GLG1: variants seen among roughly 807,000 people sequenced by gnomAD.
GLG1 encodes the protein golgi glycoprotein 1.
A neutral mutation model predicts 160.5 loss-of-function variants in GLG1; 38 were observed. The ratio of observed to expected loss-of-function variants is 0.24; its 90% CI spans 0.18 to 0.31. The LOEUF (loss-of-function observed/expected upper bound fraction) is 0.31. Among genes scored for constraint, GLG1 ranks in the 10% least tolerant of loss-of-function variants. The probability of loss-of-function intolerance (pLI) is 1.00; values close to 1 mark genes in which losing one functional copy is unlikely to be tolerated. For missense variants in GLG1, 1,373 were observed against 1,505.2 expected, an observed-to-expected ratio of 0.91 and a Z score of 1.45; for synonymous variants, 644 against 543.4, an observed-to-expected ratio of 1.19 and a Z score of -2.57.
intron 23 of GLG1, among the ~76,000 whole-genome samples, chr16:74,458,749 T>C (rs555955594): frequency 3.2e-4 from 49 of 152,342 alleles, no homozygotes; most frequent in Middle Eastern, 3.4e-3. Flanking sequence ...TTTACCTCTG[T>C]TGTCCTCAGA....
intron 1 of GLG1, among the ~76,000 whole-genome samples, chr16:74,592,677 G>A (rs902237603): frequency 1.3e-5 from 2 of 152,146 alleles, no homozygotes; most frequent in African/African-American, 4.8e-5. Context: ...AAGTGAGCTA[G>A]GGTTTGAATC....
At chr16:74,481,259 ATT>A (rs1169585845) in intron 10 of GLG1, among the ~76,000 whole-genome samples, 2 of 152,172 alleles carry the variant, frequency 1.3e-5, no homozygotes, top group Admixed American at 1.3e-4. Context: ...GTGCTTATCA[ATT>A]TATGAGACTT....
At chr16:74,561,376 T>G (rs768918056) in intron 1 of GLG1, among the ~76,000 whole-genome samples, 2 of 152,208 alleles carry the variant, frequency 1.3e-5, no homozygotes, top group Non-Finnish European at 2.9e-5. Context: ...TACAACCAAG[T>G]AAAATCCTAG....
intron 4 of GLG1, among the ~76,000 whole-genome samples, chr16:74,501,282 T>A (rs2143444425): frequency 6.6e-6 from 1 of 152,354 alleles, no homozygotes; most frequent in East Asian, 1.9e-4. Flanking sequence ...AGTTCATGTG[T>A]GAGTCTATCT....
intron 2 of GLG1, among the ~76,000 whole-genome samples, chr16:74,526,049 G>A (rs957729762): frequency 4.6e-5 from 7 of 152,068 alleles, no homozygotes; most frequent in African/African-American, 1.7e-4. Context: ...ATAAATAGAA[G>A]TTATTCAGGC....
chr16:74,605,294 G>C (rs1958540257), intron 1 of GLG1, among the ~76,000 whole-genome samples: 1 of 150,792 alleles, frequency 6.6e-6, no homozygotes, highest in Non-Finnish European at 1.5e-5. Flanking sequence ...GAATACACAT[G>C]AAGGATATAT....
At chr16:74,459,437 C>T (rs933226394) in intron 23 of GLG1, among the ~76,000 whole-genome samples, 7 of 152,104 alleles carry the variant, frequency 4.6e-5, no homozygotes, top group African/African-American at 1.2e-4. Flanking sequence ...CACGCCACTG[C>T]GCTCCAGCCT....
At chr16:74,524,879 C>CGA (rs1264012649) in intron 2 of GLG1, among the ~76,000 whole-genome samples, 1 of 152,190 alleles carries the variant, frequency 6.6e-6, no homozygotes, top group Non-Finnish European at 1.5e-5. Flanking sequence ...CCCCACTTCT[C>CGA]TGAGTTCCTG....
At chr16:74,580,759 T>A (rs1957921005) in intron 1 of GLG1, among the ~76,000 whole-genome samples, 1 of 152,166 alleles carries the variant, frequency 6.6e-6, no homozygotes, top group Admixed American at 6.6e-5. Flanking sequence ...AGGTCATCTA[T>A]CTGATGAGAG....
intron 11 of GLG1, among the ~76,000 whole-genome samples, chr16:74,478,474 G>A (rs2015472707): frequency 6.6e-6 from 1 of 152,160 alleles, no homozygotes. Context: ...AAAAAAGCCA[G>A]CATACCTGGG....
At position 74,458,234 on chromosome 16, in the gene GLG1, C is replaced by A. The variant is rs576573293; in HGVS notation, c.3145-240G>T. On this transcript the variant is annotated intron_variant, in intron 23 of 25. Transcript: ENST00000422840. Reference sequence around the variant, plus strand: ...GAAAAAAGCAGGGGACTGTAAGTGACTGTAAGATCAGATTTGTGTTTTTGG... The same window carrying A: ...GAAAAAAGCAGGGGACTGTAAGTGAATGTAAGATCAGATTTGTGTTTTTGG... 7.5e-6 allele frequency: 3 copies of A among 401,014 alleles called. No individual in the cohort carries two copies. In the East Asian group the frequency reaches 1.1e-4, roughly 15 times the overall value. 24.8% of individuals were successfully genotyped at this position (401,014 alleles called of 1,614,324 possible). A position where few individuals can be genotyped will look rare whatever the true frequency, so the allele number is the denominator to read the frequency against.
At chr16:74,495,094 T>TA (rs1277900472) in intron 5 of GLG1, among the ~76,000 whole-genome samples, 2 of 149,272 alleles carry the variant, frequency 1.3e-5, no homozygotes, top group South Asian at 2.1e-4. Flanking sequence ...AGAGAAGTGT[T>TA]AGAGTCTGAG....
intron 2 of GLG1, among the ~76,000 whole-genome samples, chr16:74,527,874 G>A (rs1597311518): frequency 7.5e-6 from 1 of 133,716 alleles, no homozygotes; most frequent in African/African-American, 2.8e-5. Flanking sequence ...TTACAGGTGC[G>A]GTGGTTAATT....
intron 4 of GLG1, among the ~76,000 whole-genome samples, chr16:74,501,487 G>A (rs2016401842): frequency 6.6e-6 from 1 of 152,214 alleles, no homozygotes; most frequent in Admixed American, 6.5e-5. Context: ...GGCTCCAGCA[G>A]TACTATTTTC....
At chr16:74,475,157 C>CAAAAA (rs58639513) in intron 12 of GLG1, among the ~76,000 whole-genome samples, 2 of 52,862 alleles carry the variant, frequency 3.8e-5, no homozygotes, top group Non-Finnish European at 7.1e-5. Context: ...AACTCCGTCT[C>CAAAAA]AAAAAAAAAA....
At chr16:74,479,701 C>T (rs552844193) in intron 11 of GLG1, among the ~76,000 whole-genome samples, 1 of 152,262 alleles carries the variant, frequency 6.6e-6, no homozygotes, top group East Asian at 1.9e-4. Context: ...TCGTGGAGAA[C>T]AAGTGCATGT....
At chr16:74,492,810 G>T (rs142326652) in intron 7 of GLG1, 147 bp downstream of exon 7, 1 of 485,020 alleles carries the variant, frequency 2.1e-6, no homozygotes, top group Non-Finnish European at 3.4e-6. Context: ...CAGAGCGAGA[G>T]ACTCCGTCTC....
At chr16:74,526,024 AAAAT>A (rs891152614) in intron 2 of GLG1, among the ~76,000 whole-genome samples, 2 of 152,338 alleles carry the variant, frequency 1.3e-5, no homozygotes, top group Non-Finnish European at 2.9e-5. Context: ...CTCCATCTCA[AAAAT>A]AAATAAATAA....
At chr16:74,499,416 G>A (rs1007546061) in intron 4 of GLG1, among the ~76,000 whole-genome samples, 2 of 152,040 alleles carry the variant, frequency 1.3e-5, no homozygotes, top group Non-Finnish European at 2.9e-5. Flanking sequence ...ATGGAACACT[G>A]TGTTTTTTAC....
Sources: gnomAD v4.1 joint callset for allele counts (sites outside exome capture counted in the v4.1 genomes callset) on GRCh38, gnomAD v4.1.1 for gene constraint, MANE v1.5 for transcripts, NCBI Gene and HGNC (gene_info 2026-07-23, HGNC 2026-07-21) for gene names.